The following CATSPERG variants were observed in gnomAD, a reference collection of about 807,000 sequenced individuals.
The protein encoded by CATSPERG is cation channel sperm-associated auxiliary subunit gamma.
CATSPERG carries 115 observed loss-of-function variants against 145.0 expected under a neutral mutation model. The observed-to-expected ratio is 0.79, with a 90% CI of 0.68 to 0.93. The LOEUF (loss-of-function observed/expected upper bound fraction) is 0.93. Ranked by LOEUF, CATSPERG falls within the 40% of genes least tolerant of loss-of-function variation. CATSPERG has a pLI of 0.00. For missense variants in CATSPERG, 1,296 were observed against 1,490.1 expected (o/e 0.87, Z 2.14); for synonymous variants, 588 against 589.0 (o/e 1.00, Z 0.02).
chr19:38,364,889 AGATT>A lies in CATSPERG; in HGVS notation c.2476-1_2478del. 6.2e-7 allele frequency: 1 copy of A among 1,612,882 alleles called. No homozygotes were observed. The highest frequency in any genetic ancestry group is 8.5e-7 in the Non-Finnish European group (1 of 1,178,842). ...TCTGCCTCTCCCCTCCTTCAACCCCAGATTACGCTCAAGGATAAAAAGCTTTGCT... is the reference window on the plus strand; with the variant it reads ...TCTGCCTCTCCCCTCCTTCAACCCCAACGCTCAAGGATAAAAAGCTTTGCT... On this transcript the variant is annotated splice_acceptor_variant and coding_sequence_variant, in exon 21 of 29. Coordinates refer to ENST00000409235, the MANE Select transcript of CATSPERG (RefSeq NM_021185.5). LOFTEE classifies it high-confidence loss of function.
intron 14 of CATSPERG, chr19:38,359,995 A>C: frequency 9.7e-7 from 1 of 1,034,720 alleles, no homozygotes; most frequent in Non-Finnish European, 1.2e-6. Flanking sequence ...GGGAGACCAC[A>C]TGGAGGGGGA....
Position 38,354,698 on chromosome 19 carries a change from T to G in CATSPERG, c.998-12T>G. 1 of 1,613,624 alleles carries G rather than the reference T, an allele frequency of 6.2e-7. No homozygotes were observed. Among genetic ancestry groups the G allele is most frequent in the Non-Finnish European group, 8.5e-7 (1 of 1,179,646 alleles). Reference sequence around the variant, plus strand: ...ACCACCTGGGTCTGAGGCCCCATACTGACTTCACTAGGCAGTTGGATTCGT... The same window carrying G: ...ACCACCTGGGTCTGAGGCCCCATACGGACTTCACTAGGCAGTTGGATTCGT... On this transcript the variant is annotated splice_polypyrimidine_tract_variant and intron_variant, in intron 8 of 28. Transcript: ENST00000409235.
Position 38,368,089 on chromosome 19 carries a change from C to T in CATSPERG, c.2972C>T (p.Thr991Ile), listed in dbSNP as rs747158487. ...LIWTTRTTRT[T>I]KDSAFHIMSH... Reference sequence around the variant, plus strand: ...TGGACCACGAGGACCACAAGGACCACCAAAGACTCAGCCTTTCACATCATG... The same window carrying T: ...TGGACCACGAGGACCACAAGGACCATCAAAGACTCAGCCTTTCACATCATG... The change falls in exon 26 of 29, where the codon ACC becomes ATC. Residue 991 changes from threonine to isoleucine, a missense_variant. Transcript: ENST00000409235. The T allele has an allele frequency of 1.9e-6, 3 of 1,614,222 alleles. No homozygotes were observed. Among genetic ancestry groups the T allele is most frequent in the Non-Finnish European group, 2.5e-6 (3 of 1,180,056 alleles).
chr19:38,357,722 CG>C (rs1201390302), intron 11 of CATSPERG, among the ~76,000 whole-genome samples: 14 of 152,184 alleles, frequency 9.2e-5, no homozygotes, highest in Middle Eastern at 3.4e-3. Context: ...GAGGCCGAGG[CG>C]GGGGGATCAC....
chr19:38,346,100 A>G (rs1326799729), intron 6 of CATSPERG, among the ~76,000 whole-genome samples: 1 of 152,230 alleles, frequency 6.6e-6, no homozygotes, highest in Non-Finnish European at 1.5e-5. Flanking sequence ...AGAAGAGTGC[A>G]ATATTTAATG....
chr19:38,337,284 G>A lies in CATSPERG; in HGVS notation c.50G>A (p.Arg17Gln). 1 of 1,551,494 alleles carries A rather than the reference G, an allele frequency of 6.4e-7. No homozygotes were observed. The change falls in exon 2 of 29, where the codon CGA becomes CAA. Residue 17 changes from arginine to glutamine, a missense_variant. Coordinates refer to ENST00000409235, the MANE Select transcript of CATSPERG (RefSeq NM_021185.5). ...FPAGPPWPRVRVVQVLWALLA... is the reference protein window; with the variant it reads ...FPAGPPWPRVQVVQVLWALLA... ...GCCGGTCCTCCGTGGCCCAGAGTCC[G>A]AGTCGTGCAGGTGCTGTGGGCCCTG...
At chr19:38,345,419 C>T (rs543653830) in intron 6 of CATSPERG, among the ~76,000 whole-genome samples, 50 of 152,160 alleles carry the variant, frequency 3.3e-4, no homozygotes, top group Admixed American at 6.6e-4. Flanking sequence ...TCTCAAACTC[C>T]GGGGCTCAAG....
intron 3 of CATSPERG, among the ~76,000 whole-genome samples, chr19:38,338,824 A>C (rs117813065): frequency 2.6e-5 from 4 of 152,018 alleles, no homozygotes; most frequent in Non-Finnish European, 4.4e-5. Context: ...AACTGTGATC[A>C]TGCCACTACA....
chr19:38,361,682 C>T lies in CATSPERG; in HGVS notation c.1915C>T (p.Pro639Ser), dbSNP rs759354178. ...GATGCTCTCCTTCATCGACTTCTGC[C>T]CCTTCTCGGTGATGCGCCTGCGGAG... Reference protein sequence around the residue: ...YLMLSFIDFCPFSVMRLRSLP... With the variant: ...YLMLSFIDFCSFSVMRLRSLP... Residue 639 changes from proline to serine, a missense_variant, in exon 17 of 29, where the codon CCC becomes TCC. Coordinates refer to ENST00000409235, the MANE Select transcript of CATSPERG (RefSeq NM_021185.5). The T allele has an allele frequency of 9.9e-6, 16 of 1,611,768 alleles. No individual in the cohort carries two copies. The highest frequency in any genetic ancestry group is 1.3e-5 in the African/African-American group (1 of 74,814).
rs750798013 is a variant in CATSPERG at position 38,360,496 on chromosome 19, A to G, written c.1616A>G (p.Tyr539Cys). ...CGGCTGTCATACCCGCAGATCTGGT[A>G]CCTCCTGGAGGGCAGCTACCGGGTC... ...AIVTETEEIW[Y>C]LLEGSYRVYQ... The change falls in exon 15 of 29, where the codon TAC (tyrosine) becomes TGC (cysteine). Residue 539 changes from tyrosine to cysteine, a missense_variant. Transcript: ENST00000409235. 4 of 1,613,828 alleles carry G rather than the reference A, an allele frequency of 2.5e-6. No homozygotes were observed. In the African/African-American group the frequency reaches 4.0e-5, roughly 16 times the overall value.
At chr19:38,339,999 C>T (rs1969910148) in intron 3 of CATSPERG, among the ~76,000 whole-genome samples, 1 of 151,942 alleles carries the variant, frequency 6.6e-6, no homozygotes, top group African/African-American at 2.4e-5. Context: ...GAATTACAGG[C>T]ATGCGCCACC....
intron 18 of CATSPERG, 33 bp from the exon 19 acceptor site, chr19:38,362,343 C>T: frequency 6.2e-7 from 1 of 1,613,736 alleles, no homozygotes; most frequent in Non-Finnish European, 8.5e-7. Flanking sequence ...CCACCCCCGG[C>T]GCTGACTCTG....
At chr19:38,356,721 G>T in intron 10 of CATSPERG, 21 bp from the exon 11 acceptor site, 2 of 1,613,608 alleles carry the variant, frequency 1.2e-6, no homozygotes, top group South Asian at 2.2e-5. Context: ...GGCGGCTCTG[G>T]ACTGCCCCTT....
chr19:38,340,812 G>T (rs1049272458), intron 3 of CATSPERG, among the ~76,000 whole-genome samples: 1 of 151,462 alleles, frequency 6.6e-6, no homozygotes, highest in Non-Finnish European at 1.5e-5. Flanking sequence ...GTCTCACTAT[G>T]TTGCCTAAGG....
At chr19:38,370,418 C>G in intron 28 of CATSPERG, 108 bp from the exon 29 acceptor site, 1 of 1,495,940 alleles carries the variant, frequency 6.7e-7, no homozygotes, top group Non-Finnish European at 9.2e-7. Flanking sequence ...TTCATTTCCT[C>G]CTGCTGTCAT....
intron 22 of CATSPERG, chr19:38,366,169 GC>G (rs1169540799): frequency 6.6e-6 from 1 of 152,312 alleles, no homozygotes; most frequent in Admixed American, 6.5e-5. Flanking sequence ...TTTGCCCGGG[GC>G]AGACACTGAG....
At chr19:38,364,387 C>T (rs1386121615) in intron 20 of CATSPERG, among the ~76,000 whole-genome samples, 2 of 151,984 alleles carry the variant, frequency 1.3e-5, no homozygotes, top group South Asian at 4.1e-4. Flanking sequence ...GAGGCACTCC[C>T]CACATCTCAG....
chr19:38,350,939 G>C (rs995771718), intron 7 of CATSPERG, among the ~76,000 whole-genome samples: 4 of 152,076 alleles, frequency 2.6e-5, no homozygotes, highest in Non-Finnish European at 4.4e-5. Flanking sequence ...CAGTCAGCCA[G>C]GATTGTGCCA....
chr19:38,358,112 T>C (rs1359923279), intron 11 of CATSPERG, 166 bp from the exon 12 acceptor site: 1 of 649,076 alleles, frequency 1.5e-6, no homozygotes, highest in Non-Finnish European at 2.7e-6. Flanking sequence ...GGAGATCCTG[T>C]CTCAGGGGGG....
Sources: allele counts gnomAD v4.1 joint callset (sites outside exome capture counted in the v4.1 genomes callset), GRCh38; gene constraint gnomAD v4.1.1; transcripts MANE v1.5; gene names NCBI Gene and HGNC (gene_info 2026-07-23, HGNC 2026-07-21).